OCA2: variants seen among roughly 807,000 people sequenced by gnomAD.
OCA2 encodes the protein P protein.
OCA2 carries 77 observed loss-of-function variants against 100.2 expected under a neutral mutation model. The ratio of observed to expected loss-of-function variants is 0.77; its 90% confidence interval spans 0.64 to 0.93. The LOEUF is 0.93. Among genes scored for constraint, OCA2 ranks in the 40% least tolerant of loss-of-function variants. OCA2 has a pLI of 0.00. For missense variants in OCA2, 1,062 were observed against 1,089.1 expected (o/e 0.98, Z 0.35); for synonymous variants, 432 against 439.2 (o/e 0.98, Z 0.21).
intron 18 of OCA2, among the ~76,000 whole-genome samples, chr15:27,949,251 T>C (rs2039950749): frequency 6.6e-6 from 1 of 152,200 alleles, no homozygotes; most frequent in Non-Finnish European, 1.5e-5. Flanking sequence ...GTGTACAGTG[T>C]GTGCGCTGTA....
At chr15:27,926,279 A>T in intron 18 of OCA2, 25 bp from the exon 19 acceptor site, 3 of 1,613,690 alleles carry the variant, frequency 1.9e-6, no homozygotes, top group Non-Finnish European at 2.5e-6. Context: ...ATAGACATAG[A>T]GATATAGTTC....
chr15:27,989,769 GC>G, intron 10 of OCA2, 103 bp from the exon 11 acceptor site: 1 of 1,029,564 alleles, frequency 9.7e-7, no homozygotes, highest in Non-Finnish European at 1.5e-6. Flanking sequence ...CAGTGGGCGG[GC>G]CAGGGTTGGA....
intron 14 of OCA2, among the ~76,000 whole-genome samples, chr15:27,980,683 C>A (rs1382378337): frequency 6.6e-6 from 1 of 152,136 alleles, no homozygotes. Context: ...TGTTTTCTTT[C>A]AGTATTTAAA....
intron 2 of OCA2, among the ~76,000 whole-genome samples, chr15:28,067,275 C>A (rs533436994): frequency 7.2e-5 from 11 of 152,268 alleles, no homozygotes; most frequent in Admixed American, 6.5e-4. Context: ...GTTAATCTAG[C>A]TAGGAGTCTA....
At chr15:27,752,093 GT>G (rs1389170509), downstream of OCA2, among the ~76,000 whole-genome samples, 2 of 152,206 alleles carry the variant, frequency 1.3e-5, no homozygotes, top group Non-Finnish European at 2.9e-5. Context: ...CGTTGCCTGC[GT>G]GGGGCCGTGT....
At chr15:27,824,377 A>T (rs1412540442) in intron 23 of OCA2, among the ~76,000 whole-genome samples, 4 of 151,942 alleles carry the variant, frequency 2.6e-5, no homozygotes, top group African/African-American at 9.7e-5. Flanking sequence ...TCAAAAAAAC[A>T]AAAGAAAGAA....
At chr15:27,823,155 G>C (rs55800284) in intron 23 of OCA2, among the ~76,000 whole-genome samples, 76,716 of 151,984 alleles carry the variant, frequency 0.5, 19,951 homozygotes, top group South Asian at 0.76. Context: ...ATAAATCGGA[G>C]AGCCTTATAC....
At chr15:27,730,732 A>AATATATATATAT in the OCA2 span, among the ~76,000 whole-genome samples, 41 of 101,980 alleles carry the variant, frequency 4.0e-4, no homozygotes, top group South Asian at 6.8e-4. Context: ...AAAAAGACCA[A>AATATATATATAT]ATATATATAT....
intron 2 of OCA2, among the ~76,000 whole-genome samples, chr15:28,067,705 G>C (rs1431614286): frequency 1.3e-5 from 2 of 152,064 alleles, no homozygotes; most frequent in Non-Finnish European, 2.9e-5. Flanking sequence ...GAATGTGCTT[G>C]GTATTATTTC....
chr15:28,009,557 A>AT (rs1486717839), intron 9 of OCA2, among the ~76,000 whole-genome samples: 1 of 152,058 alleles, frequency 6.6e-6, no homozygotes, highest in Non-Finnish European at 1.5e-5. Flanking sequence ...GCATGATGGT[A>AT]TGCGCCTGTG....
chr15:28,007,298 C>T (rs1381837086), intron 9 of OCA2, among the ~76,000 whole-genome samples: 2 of 152,170 alleles, frequency 1.3e-5, no homozygotes, highest in African/African-American at 4.8e-5. Context: ...AGTATAAGGG[C>T]ATAGAAGCCT....
At chr15:27,858,405 A>C (rs543419964) in intron 21 of OCA2, among the ~76,000 whole-genome samples, 19 of 151,816 alleles carry the variant, frequency 1.3e-4, no homozygotes, top group Middle Eastern at 3.4e-3. Context: ...AAAAAAAAAA[A>C]CAGAAATTGG....
intron 23 of OCA2, among the ~76,000 whole-genome samples, chr15:27,786,399 G>T (rs185964721): frequency 1.3e-3 from 195 of 152,240 alleles, no homozygotes; most frequent in Non-Finnish European, 2.2e-3. Context: ...ACTGAGTCTT[G>T]CATATGAACT....
chr15:28,026,365 A>C (rs1188076171), intron 4 of OCA2, among the ~76,000 whole-genome samples: 1 of 152,178 alleles, frequency 6.6e-6, no homozygotes, highest in Non-Finnish European at 1.5e-5. Flanking sequence ...AAAAGGCATG[A>C]ACAGTGTCAG....
chr15:27,963,829 T>C (rs2040480999), intron 15 of OCA2, among the ~76,000 whole-genome samples: 1 of 152,058 alleles, frequency 6.6e-6, no homozygotes, highest in Non-Finnish European at 1.5e-5. Flanking sequence ...AGCTGGTTCT[T>C]TGAGATCAAT....
the OCA2 span, among the ~76,000 whole-genome samples, chr15:27,733,962 C>G: frequency 6.6e-6 from 1 of 151,718 alleles, no homozygotes. Context: ...GAGTTCAAGA[C>G]CAGCCTGGCC....
intron 2 of OCA2, among the ~76,000 whole-genome samples, chr15:28,055,980 A>AGAGAGAAAG (rs1595887879): frequency 6.6e-6 from 1 of 152,100 alleles, no homozygotes; most frequent in Non-Finnish European, 1.5e-5. Flanking sequence ...AGAAAAGGCC[A>AGAGAGAAAG]GAGAGAAAGG....
At chr15:27,938,967 C>A (rs926433035) in intron 18 of OCA2, among the ~76,000 whole-genome samples, 3 of 152,190 alleles carry the variant, frequency 2.0e-5, no homozygotes, top group African/African-American at 7.2e-5. Context: ...GCTAGCCTCA[C>A]ACACCAAGGT....
the OCA2 span, among the ~76,000 whole-genome samples, chr15:27,721,683 T>A: frequency 6.6e-6 from 1 of 152,224 alleles, no homozygotes; most frequent in Non-Finnish European, 1.5e-5. Context: ...GTTGCATTAG[T>A]CCCAAACAAA....
Sources: gnomAD v4.1 joint callset for allele counts (sites outside exome capture counted in the v4.1 genomes callset) on GRCh38, gnomAD v4.1.1 for gene constraint, MANE v1.5 for transcripts, NCBI Gene and HGNC (gene_info 2026-07-23, HGNC 2026-07-21) for gene names.